The following MAPK10 variants were observed in gnomAD, a reference collection of about 807,000 sequenced individuals.
MAPK10 encodes the protein JNK3 alpha protein kinase.
In MAPK10, 25 loss-of-function variants were observed where a neutral mutation model predicts 59.3. The observed-to-expected ratio is 0.42, with a 90% CI of 0.31 to 0.59. The LOEUF (loss-of-function observed/expected upper bound fraction) is 0.59. Ranked by LOEUF, MAPK10 falls within the 20% of genes least tolerant of loss-of-function variation. The pLI is 0.15. For synonymous variants in MAPK10, 190 were observed against 200.5 expected (o/e 0.95, Z 0.44); for missense variants, 351 against 568.9 (o/e 0.62, Z 3.90).
intron 2 of MAPK10, among the ~76,000 whole-genome samples, chr4:86,272,756 C>A (rs2148775159): frequency 6.6e-6 from 1 of 152,108 alleles, no homozygotes; most frequent in Non-Finnish European, 1.5e-5. Context: ...TGCCTGTAAC[C>A]AAATTTCACC....
chr4:86,281,200 A>C (rs1306531259), intron 2 of MAPK10, among the ~76,000 whole-genome samples: 1 of 152,138 alleles, frequency 6.6e-6, no homozygotes, highest in Non-Finnish European at 1.5e-5. Context: ...ATATCCCATA[A>C]CCCAGTTTCT....
At chr4:86,403,564 A>T (rs1452124107) in intron 1 of MAPK10, among the ~76,000 whole-genome samples, 3 of 152,122 alleles carry the variant, frequency 2.0e-5, no homozygotes, top group Admixed American at 6.6e-5. Flanking sequence ...AGACTGGGTA[A>T]TTTATAAAGG....
intron 2 of MAPK10, among the ~76,000 whole-genome samples, chr4:86,219,085 C>T (rs886330425): frequency 6.6e-6 from 1 of 152,182 alleles, no homozygotes; most frequent in Non-Finnish European, 1.5e-5. Context: ...TATTGATAGA[C>T]TTCAGGAGCA....
intron 9 of MAPK10, among the ~76,000 whole-genome samples, chr4:86,076,188 C>A (rs571146376): frequency 6.6e-6 from 1 of 152,198 alleles, no homozygotes. Context: ...TTCTTTGACT[C>A]GGAAAGGGAA....
intron 2 of MAPK10, 58 bp downstream of exon 2, chr4:86,354,472 A>C (rs1733382316): frequency 1.4e-6 from 1 of 691,404 alleles, no homozygotes; most frequent in Non-Finnish European, 2.0e-6. Context: ...CAATATTTAA[A>C]TTGGCTATAT....
chr4:86,167,607 T>C (rs902569253), intron 3 of MAPK10, among the ~76,000 whole-genome samples: 2 of 152,134 alleles, frequency 1.3e-5, no homozygotes, highest in Admixed American at 1.3e-4. Context: ...ACAGAACCAA[T>C]GACAAAAACC....
intron 1 of MAPK10, among the ~76,000 whole-genome samples, chr4:86,394,884 G>A (rs143016828): frequency 2.0e-5 from 3 of 152,290 alleles, no homozygotes; most frequent in South Asian, 4.2e-4. Flanking sequence ...ACAGCCAAAG[G>A]TTCTGGGCCA....
intron 4 of MAPK10, among the ~76,000 whole-genome samples, chr4:86,114,390 C>T (rs192107176): frequency 4.6e-5 from 7 of 152,020 alleles, no homozygotes; most frequent in Admixed American, 3.3e-4. Flanking sequence ...GACCTTTGGA[C>T]GGGGTTTTTG....
intron 4 of MAPK10, among the ~76,000 whole-genome samples, chr4:86,139,833 C>A (rs1405812828): frequency 2.7e-5 from 4 of 146,710 alleles, no homozygotes; most frequent in Non-Finnish European, 5.9e-5. Context: ...AACAAATTTA[C>A]AAGAAAAAAA....
chr4:86,396,931 T>C (rs1200866899), intron 1 of MAPK10, among the ~76,000 whole-genome samples: 2 of 152,050 alleles, frequency 1.3e-5, no homozygotes, highest in African/African-American at 4.8e-5. Flanking sequence ...ATTAAAATTA[T>C]TACAGTTTGA....
At chr4:86,511,547 A>G (rs1481911185) in intron 1 of MAPK10, among the ~76,000 whole-genome samples, 1 of 152,016 alleles carries the variant, frequency 6.6e-6, no homozygotes, top group Non-Finnish European at 1.5e-5. Context: ...AGCCTGGGCG[A>G]TAGAACCAGA....
At chr4:86,504,436 ATAC>A (rs1473061133) in intron 1 of MAPK10, among the ~76,000 whole-genome samples, 1 of 152,174 alleles carries the variant, frequency 6.6e-6, no homozygotes, top group African/African-American at 2.4e-5. Flanking sequence ...CTACCATATT[ATAC>A]TATTACTTTA....
At chr4:86,034,775 G>T (rs1381738901) in intron 11 of MAPK10, among the ~76,000 whole-genome samples, 1 of 152,140 alleles carries the variant, frequency 6.6e-6, no homozygotes, top group Non-Finnish European at 1.5e-5. Context: ...GGAGTAAAGT[G>T]ATGCTTATTC....
chr4:86,157,177 T>A lies in MAPK10; in HGVS notation c.236+2121A>T, dbSNP rs564618328. On this transcript the variant is annotated intron_variant, in intron 4 of 13. Coordinates refer to ENST00000641462, the MANE Select transcript of MAPK10 (RefSeq NM_138982.4). ...AACAGTCCAAAGTGGGGGAAAAGATTGTAAAAACCCAATAACAAGTTTAAG... is the reference window on the plus strand; with the variant it reads ...AACAGTCCAAAGTGGGGGAAAAGATAGTAAAAACCCAATAACAAGTTTAAG... Among the ~76,000 whole-genome samples the A allele has an allele frequency of 2.6e-5, 4 of 152,032 alleles. No individual in the cohort carries two copies. In the East Asian group the frequency reaches 7.7e-4, roughly 29 times the overall value.
chr4:86,443,331 T>C (rs552345090), intron 1 of MAPK10, among the ~76,000 whole-genome samples: 1 of 152,222 alleles, frequency 6.6e-6, no homozygotes, highest in East Asian at 1.9e-4. Flanking sequence ...TAACAAGGCC[T>C]GCCCTCAGGA....
intron 1 of MAPK10, among the ~76,000 whole-genome samples, chr4:86,479,818 C>T (rs893851501): frequency 6.6e-6 from 1 of 151,998 alleles, no homozygotes; most frequent in South Asian, 2.1e-4. Flanking sequence ...GTATCCAGGC[C>T]ATCACCAATA....
intron 1 of MAPK10, among the ~76,000 whole-genome samples, chr4:86,552,501 GAAAGGAA>G (rs1759912866): frequency 1.6e-5 from 1 of 60,716 alleles, no homozygotes; most frequent in Non-Finnish European, 3.9e-5. Context: ...GGGAGGGAAG[GAAAGGAA>G]GGAAGGAAGG....
chr4:86,589,034 G>T (rs1762834298), intron 1 of MAPK10, among the ~76,000 whole-genome samples: 1 of 151,960 alleles, frequency 6.6e-6, no homozygotes, highest in Admixed American at 6.6e-5. Context: ...AAAGATGTGG[G>T]GACAAAGGGG....
At chr4:86,202,071 A>C (rs1411168292) in intron 2 of MAPK10, among the ~76,000 whole-genome samples, 4 of 151,976 alleles carry the variant, frequency 2.6e-5, no homozygotes, top group African/African-American at 9.7e-5. Flanking sequence ...CCAAAAAGTT[A>C]CTTTGTATTT....
Sources: allele counts gnomAD v4.1 joint callset (sites outside exome capture counted in the v4.1 genomes callset), GRCh38; gene constraint gnomAD v4.1.1; transcripts MANE v1.5; gene names NCBI Gene and HGNC (gene_info 2026-07-23, HGNC 2026-07-21).